The following MMP13 variants were observed in gnomAD, a reference collection of about 807,000 sequenced individuals.
MMP13 encodes collagenase 3.
Under a neutral mutation model 52.1 loss-of-function variants are expected in MMP13, and 45 were observed. That is an observed-to-expected ratio of 0.86 (90% CI 0.68 to 1.11). The LOEUF (loss-of-function observed/expected upper bound fraction) is 1.11. MMP13 is among the 50% of genes least tolerant of loss of function. MMP13 has a pLI of 0.00. For synonymous variants in MMP13, 200 were observed against 204.4 expected (o/e 0.98, Z 0.18); for missense variants, 576 against 583.8 (o/e 0.99, Z 0.14).
In MMP13 at chr11:102,948,066, T is replaced by A; in HGVS notation, c.1052-16A>T. ...AATTTTCTACCTGGAATGAGTGAAA[T>A]AACAGTTCTATTATCCAAGGGAATC... On this transcript the variant is annotated splice_polypyrimidine_tract_variant and intron_variant, in intron 7 of 9. Transcript: ENST00000260302. The A allele has an allele frequency of 1.2e-6, 2 of 1,610,696 alleles. No homozygotes were observed. Among genetic ancestry groups the A allele is most frequent in the Non-Finnish European group, 1.7e-6 (2 of 1,177,842 alleles).
chr11:102,955,230 A>C lies in MMP13; in HGVS notation c.362+22T>G. ...ACAAGAAAAGGCTAACAAATATGAA[A>C]GAAAGATAGCCTATGATTTACCTGT... On this transcript the variant is annotated intron_variant, in intron 2 of 9. Coordinates refer to ENST00000260302, the MANE Select transcript of MMP13 (RefSeq NM_002427.4). This position sits in a 1 kb window ranked among gnomAD's most constrained non-coding sequence, Gnocchi z 4.9. The C allele has an allele frequency of 6.2e-7, 1 of 1,612,406 alleles. No individual in the cohort carries two copies. Among genetic ancestry groups the C allele is most frequent in the Non-Finnish European group, 8.5e-7 (1 of 1,179,004 alleles).
In MMP13 at chr11:102,943,199, T is replaced by A. The variant is rs1465616270; in HGVS notation, c.*1067A>T. 1 of 152,056 alleles carries A rather than the reference T, an allele frequency of 6.6e-6. No homozygotes were observed. Among genetic ancestry groups the A allele is most frequent in the Admixed American group, 6.6e-5 (1 of 15,258 alleles). 9.4% of individuals were successfully genotyped at this position (152,056 alleles called of 1,614,324 possible). ...AGGCACTGTGGGAAGTGCTGGGGGA[T>A]TTTTTTAAATGCAGAGAAAAAAAGG... is the stretch of plus-strand genomic sequence containing the variant. On this transcript the variant is annotated 3_prime_UTR_variant, in exon 10 of 10. Transcript: ENST00000260302.
intron 8 of MMP13, among the ~76,000 whole-genome samples, chr11:102,945,969 T>C (rs1337972227): frequency 6.6e-6 from 1 of 152,228 alleles, no homozygotes; most frequent in African/African-American, 2.4e-5. Flanking sequence ...GCCATCTTTT[T>C]AAAGAGAGTT....
Position 102,954,208 on chromosome 11 carries a change from A to G in MMP13, c.585T>C (p.Tyr195=). ...LAHAFPPGPN[Y]GGDAHFDDDE... ...CATCATCAAAATGGGCATCTCCTCC[A>G]TAATTTGGCCCAGGAGGAAAAGCAT... The change falls in exon 4 of 10, where the codon TAT becomes TAC. Residue 195 remains tyrosine, a synonymous_variant. Transcript: ENST00000260302. 1 of 1,613,700 alleles carries G rather than the reference A, an allele frequency of 6.2e-7. No homozygotes were observed.
At chr11:102,951,349 C>A (rs1860608710) in intron 5 of MMP13, among the ~76,000 whole-genome samples, 1 of 152,086 alleles carries the variant, frequency 6.6e-6, no homozygotes, top group South Asian at 2.1e-4. Context: ...CTCTACAGGG[C>A]TTTGTTTCTT....
Position 102,955,432 on chromosome 11 carries a change from G to A in MMP13, c.182C>T (p.Ala61Val). 1 of 1,614,078 alleles carries A rather than the reference G, an allele frequency of 6.2e-7. No individual in the cohort carries two copies. Among genetic ancestry groups the A allele is most frequent in the Non-Finnish European group, 8.5e-7 (1 of 1,179,950 alleles). ...NLAGILKENA[A>V]SSMTERLREM... The stretch of plus-strand genomic sequence containing the variant: ...TCGGAGCCTCTCAGTCATGGAGCTT[G>A]CTGCATTCTCCTTCAGGATTCCCGC... Residue 61 changes from alanine to valine, a missense_variant, in exon 2 of 10, where the codon GCA becomes GTA. Ala to Val is a moderately conservative substitution (Grantham distance 64). Transcript: ENST00000260302. This position sits in a 1 kb window ranked among gnomAD's most constrained non-coding sequence, Gnocchi z 4.9.
Position 102,955,301 on chromosome 11 carries a change from T to G in MMP13, c.313A>C (p.Asn105His). Residue 105 changes from asparagine to histidine, a missense_variant, in exon 2 of 10, where the codon AAT (asparagine) becomes CAT (histidine). Transcript: ENST00000260302. This position sits in a 1 kb window ranked among gnomAD's most constrained non-coding sequence, Gnocchi z 4.9. ...CATTTAAGAGTTCGAGGGAAAACAT[T>G]GTATTCACCCACATCAGGAACCCCG... ...RCGVPDVGEY[N>H]VFPRTLKWSK... The G allele has an allele frequency of 1.2e-6, 2 of 1,613,954 alleles. No homozygotes were observed. Among genetic ancestry groups the G allele is most frequent in the Non-Finnish European group, 8.5e-7 (1 of 1,179,892 alleles).
chr11:102,955,367 G>T lies in MMP13; in HGVS notation c.247C>A (p.Leu83Ile), dbSNP rs1324740956. 6.2e-7 allele frequency: 1 copy of T among 1,614,016 alleles called. No individual in the cohort carries two copies. The part of the protein sequence containing the change: ...SFFGLEVTGK[L>I]DDNTLDVMKK... ...ATGACATCTAAGGTGTTATCGTCAAGTTTGCCAGTCACCTCTAAGCCGAAG... is the reference window on the plus strand; with the variant it reads ...ATGACATCTAAGGTGTTATCGTCAATTTTGCCAGTCACCTCTAAGCCGAAG... The change falls in exon 2 of 10, where the codon CTT becomes ATT. Residue 83 changes from leucine (L) to isoleucine (I), a missense_variant. Leu to Ile is a conservative substitution (Grantham distance 5). Coordinates refer to ENST00000260302, the MANE Select transcript of MMP13 (RefSeq NM_002427.4). The surrounding 1 kb of genome is among the most constrained non-coding windows in gnomAD (Gnocchi z 4.9).
rs1312765383 is a variant in MMP13, at chr11:102,947,994, T to A, written c.1108A>T (p.Ile370Leu). The A allele has an allele frequency of 5.0e-6, 8 of 1,613,458 alleles. No homozygotes were observed. Among genetic ancestry groups the A allele is most frequent in the Non-Finnish European group, 6.8e-6 (8 of 1,179,568 alleles). Reference protein sequence around the residue: ...YDILEGYPKKISELGLPKEVK... With the variant: ...YDILEGYPKKLSELGLPKEVK... ...TCTTTTGGAAGACCCAGTTCAGATA[T>A]TTTTTTGGGATAACCTTCCAGAATG... is the stretch of plus-strand genomic sequence containing the variant. Residue 370 changes from isoleucine (I) to leucine (L), a missense_variant, in exon 8 of 10, where the codon ATA becomes TTA. By Grantham distance (5) the Ile-to-Leu change is conservative. Coordinates refer to ENST00000260302, the MANE Select transcript of MMP13 (RefSeq NM_002427.4).
At chr11:102,945,868 A>G (rs553095955) in intron 8 of MMP13, 119 bp from the exon 9 acceptor site, 14 of 620,360 alleles carry the variant, frequency 2.3e-5, no homozygotes, top group Non-Finnish European at 3.1e-5. Flanking sequence ...TTTTCAGTCC[A>G]TTTAAAGCAT....
chr11:102,944,307 T>C lies in MMP13; in HGVS notation c.1375A>G (p.Ile459Val). Residue 459 changes from isoleucine (I) to valine (V), a missense_variant, in exon 10 of 10, where the codon ATT (isoleucine) becomes GTT (valine). By Grantham distance (29) the Ile-to-Val change is conservative. Transcript: ENST00000260302. ...GAATTTGCTGGCATGACGCGAACAA[T>C]ACGGTTACTCCAGATGCTGTATTCA... ...QFEYSIWSNR[I>V]VRVMPANSIL... 1.2e-6 allele frequency: 2 copies of C among 1,613,374 alleles called. No homozygotes were observed. The highest frequency in any genetic ancestry group is 1.7e-6 in the Non-Finnish European group (2 of 1,179,506).
At position 102,949,747 on chromosome 11, in the gene MMP13, C is replaced by T. The variant is rs1860577453; in HGVS notation, c.917+363G>A. ...TCCAACATGTATCTAGAATCAAAGT[C>T]TTTCCATACCAAAACGAATCCGTGT... On this transcript the variant is annotated intron_variant, in intron 6 of 9. Coordinates refer to ENST00000260302, the MANE Select transcript of MMP13 (RefSeq NM_002427.4). The surrounding 1 kb of genome is among the most constrained non-coding windows in gnomAD (Gnocchi z 4.2). 6.6e-6 allele frequency among the ~76,000 whole-genome samples: 1 copy of T among 152,154 alleles called. No homozygotes were observed. Among genetic ancestry groups the T allele is most frequent in the South Asian group, 2.1e-4 (1 of 4,828 alleles).
At chr11:102,948,099 A>G (rs782003807) in intron 7 of MMP13, 49 bp from the exon 8 acceptor site, 15 of 1,517,608 alleles carry the variant, frequency 9.9e-6, no homozygotes, top group Middle Eastern at 2.1e-4. Flanking sequence ...ATCTATTAGG[A>G]CTTACATATA....
At chr11:102,951,153 G>A (rs1860605710) in intron 5 of MMP13, among the ~76,000 whole-genome samples, 1 of 152,010 alleles carries the variant, frequency 6.6e-6, no homozygotes, top group East Asian at 1.9e-4. Flanking sequence ...CTTGGGGGGG[G>A]AAGTGAAAAG....
chr11:102,948,966 A>T (rs1860561793), intron 7 of MMP13, 59 bp downstream of exon 7: 9 of 1,603,990 alleles, frequency 5.6e-6, no homozygotes, highest in South Asian at 2.2e-5. Flanking sequence ...CTCTAGTGGC[A>T]TCAAATTCAG....
intron 7 of MMP13, 39 bp from the exon 8 acceptor site, chr11:102,948,089 A>T: frequency 1.3e-6 from 2 of 1,578,258 alleles, no homozygotes; most frequent in South Asian, 2.2e-5. Flanking sequence ...ATCCAAGGGA[A>T]TCTATTAGGA....
intron 9 of MMP13, 23 bp from the exon 10 acceptor site, chr11:102,944,389 A>T: frequency 1.3e-6 from 2 of 1,495,348 alleles, no homozygotes; most frequent in Non-Finnish European, 9.3e-7. Flanking sequence ...GCATAAAGAC[A>T]ATTTCAGAGT....
At chr11:102,945,241 C>CA (rs61571704) in intron 9 of MMP13, 11,456 of 621,164 alleles carry the variant, frequency 0.018, 265 homozygotes, top group African/African-American at 0.12. Context: ...GAGACTCTGT[C>CA]AAAAAAAAAA....
At position 102,944,201 on chromosome 11, in the gene MMP13, C is replaced by A; in HGVS notation, c.*65G>T. ...CCTGATAGCTCTTCTTCCCCTACCC[C>A]GCACTTCTGGAAGTATTACCCCAAA... On this transcript the variant is annotated 3_prime_UTR_variant, in exon 10 of 10. Transcript: ENST00000260302. The A allele has an allele frequency of 8.3e-7, 1 of 1,202,936 alleles. No homozygotes were observed. Among genetic ancestry groups the A allele is most frequent in the Non-Finnish European group, 1.2e-6 (1 of 810,092 alleles). 74.5% of individuals were successfully genotyped at this position (1,202,936 alleles called of 1,614,324 possible).
Sources: gnomAD v4.1 joint callset for allele counts (sites outside exome capture counted in the v4.1 genomes callset) on GRCh38, gnomAD v4.1.1 for gene constraint, Gnocchi (gnomAD v3.1) non-coding constraint, MANE v1.5 for transcripts, NCBI Gene and HGNC (gene_info 2026-07-23, HGNC 2026-07-21) for gene names.